Variants in ATE1 observed in about 807,000 individuals in gnomAD.
The protein encoded by ATE1 is arginyltransferase 1.
ATE1 carries 36 observed loss-of-function variants against 70.5 expected under a neutral mutation model. The ratio of observed to expected loss-of-function variants is 0.51; its 90% CI spans 0.39 to 0.67. The LOEUF (loss-of-function observed/expected upper bound fraction) is 0.67. Among genes scored for constraint, ATE1 ranks in the 30% least tolerant of loss-of-function variants. The pLI is 0.00. For missense variants in ATE1, 593 were observed against 629.5 expected, an observed-to-expected ratio of 0.94 and a Z score of 0.62; for synonymous variants, 232 against 219.3, an observed-to-expected ratio of 1.06 and a Z score of -0.51.
At chr10:121,849,153 G>A (rs1590484600) in intron 8 of ATE1, among the ~76,000 whole-genome samples, 1 of 150,654 alleles carries the variant, frequency 6.6e-6, no homozygotes, top group East Asian at 1.9e-4. Context: ...GGAGATTACA[G>A]TGAGCCACGA....
chr10:121,791,791 A>C (rs1435377164), intron 10 of ATE1, among the ~76,000 whole-genome samples: 1 of 152,212 alleles, frequency 6.6e-6, no homozygotes, highest in Non-Finnish European at 1.5e-5. Context: ...CATTTTTCAA[A>C]AAATGCTGCT....
intron 5 of ATE1, among the ~76,000 whole-genome samples, chr10:121,904,984 C>A (rs893336127): frequency 2.6e-5 from 4 of 152,222 alleles, no homozygotes; most frequent in Non-Finnish European, 5.9e-5. Flanking sequence ...TATTACTCTA[C>A]TGACCAACAG....
At chr10:121,819,740 A>G (rs1209050819) in intron 10 of ATE1, among the ~76,000 whole-genome samples, 8 of 148,772 alleles carry the variant, frequency 5.4e-5, no homozygotes, top group African/African-American at 1.5e-4. Context: ...TGCTTGGGTG[A>G]TGGGTACACC....
At chr10:121,912,355 A>T (rs1034410173) in intron 4 of ATE1, among the ~76,000 whole-genome samples, 2 of 152,048 alleles carry the variant, frequency 1.3e-5, no homozygotes, top group Non-Finnish European at 2.9e-5. Flanking sequence ...TAAACACTAC[A>T]AAAGAAAGAG....
chr10:121,919,095 G>C (rs1198352736), intron 3 of ATE1, among the ~76,000 whole-genome samples: 2 of 151,996 alleles, frequency 1.3e-5, no homozygotes, highest in African/African-American at 4.8e-5. Flanking sequence ...AATAAAAGCT[G>C]GCCACCCTAC....
chr10:121,784,349 C>A (rs1338746743), intron 11 of ATE1, among the ~76,000 whole-genome samples: 2 of 152,170 alleles, frequency 1.3e-5, no homozygotes, highest in Non-Finnish European at 2.9e-5. Context: ...TTAGTTTTCA[C>A]ATTTTCAAGA....
chr10:121,922,147 A>G (rs1951906611), intron 3 of ATE1, among the ~76,000 whole-genome samples: 1 of 152,222 alleles, frequency 6.6e-6, no homozygotes, highest in South Asian at 2.1e-4. Context: ...TATCTGAACC[A>G]ATCAAACAAT....
At chr10:121,791,078 G>A (rs754943113) in intron 10 of ATE1, among the ~76,000 whole-genome samples, 871 of 9,714 alleles carry the variant, frequency 0.09, 7 homozygotes, top group Admixed American at 0.19. Flanking sequence ...GTGTGTGTGT[G>A]TGTGTGTGTG....
Position 121,743,632 on chromosome 10 carries a change from C to T in ATE1, c.*48G>A. The T allele has an allele frequency of 3.3e-6, 5 of 1,518,276 alleles. No homozygotes were observed. The highest frequency in any genetic ancestry group is 4.4e-6 in the Non-Finnish European group (5 of 1,136,364). The allele number at this position is 1,518,276 out of a possible 1,614,324, so 94.1% of individuals were successfully genotyped here. On this transcript the variant is annotated 3_prime_UTR_variant, in exon 12 of 12. Transcript: ENST00000224652. The stretch of plus-strand genomic sequence containing the variant: ...CACAGGTACTGAATATGTATCCTGG[C>T]ACAAATCATCAGCACAACACAGGAA...
At chr10:121,911,183 G>T in intron 4 of ATE1, 32 bp from the exon 5 acceptor site, 2 of 1,596,076 alleles carry the variant, frequency 1.3e-6, no homozygotes, top group South Asian at 2.3e-5. Flanking sequence ...AAATCCATCA[G>T]CTGGGTTATT....
intron 11 of ATE1, among the ~76,000 whole-genome samples, chr10:121,786,584 G>T (rs144558218): frequency 6.6e-6 from 1 of 151,592 alleles, no homozygotes; most frequent in Non-Finnish European, 1.5e-5. Flanking sequence ...CGGGAGGATC[G>T]TTTGAGCCCT....
chr10:121,782,318 AT>A (rs1196299613), intron 11 of ATE1, among the ~76,000 whole-genome samples: 1 of 152,244 alleles, frequency 6.6e-6, no homozygotes, highest in East Asian at 1.9e-4. Context: ...TAAACAAAAA[AT>A]ATTTACAGAT....
intron 11 of ATE1, 90 bp from the exon 12 acceptor site, chr10:121,743,948 AG>A: frequency 7.7e-7 from 1 of 1,301,394 alleles, no homozygotes; most frequent in South Asian, 1.5e-5. Flanking sequence ...TTGAGACAAG[AG>A]TCTTGCTCTG....
At chr10:121,925,582 G>C (rs1462596438) in intron 1 of ATE1, among the ~76,000 whole-genome samples, 1 of 151,958 alleles carries the variant, frequency 6.6e-6, no homozygotes, top group Non-Finnish European at 1.5e-5. Context: ...AGGCATATCA[G>C]AACTAAAGGC....
intron 10 of ATE1, among the ~76,000 whole-genome samples, chr10:121,807,528 A>G (rs1947145132): frequency 6.6e-6 from 1 of 152,224 alleles, no homozygotes; most frequent in Admixed American, 6.5e-5. Flanking sequence ...AACTGTACTT[A>G]TATTATAGCT....
At chr10:121,820,526 T>C (rs892136011) in intron 10 of ATE1, among the ~76,000 whole-genome samples, 3 of 152,168 alleles carry the variant, frequency 2.0e-5, no homozygotes, top group African/African-American at 7.2e-5. Flanking sequence ...CACAAACATA[T>C]AATCCTGTTT....
intron 10 of ATE1, among the ~76,000 whole-genome samples, chr10:121,792,432 T>G (rs1248372843): frequency 6.6e-6 from 1 of 152,210 alleles, no homozygotes; most frequent in African/African-American, 2.4e-5. Flanking sequence ...AAGTCAGGTC[T>G]CTGACTCAGC....
At chr10:121,836,936 C>A in intron 9 of ATE1, 119 bp from the exon 10 acceptor site, 1 of 636,102 alleles carries the variant, frequency 1.6e-6, no homozygotes, top group Admixed American at 3.5e-5. Flanking sequence ...CAAAAAATTA[C>A]AAATATTGAA....
chr10:121,897,129 A>C (rs1284040353), intron 7 of ATE1, among the ~76,000 whole-genome samples: 1 of 152,156 alleles, frequency 6.6e-6, no homozygotes, highest in Non-Finnish European at 1.5e-5. Flanking sequence ...CTAATTCTAA[A>C]GGCACTGGAA....
Sources: gnomAD v4.1 joint callset for allele counts (sites outside exome capture counted in the v4.1 genomes callset) on GRCh38, gnomAD v4.1.1 for gene constraint, MANE v1.5 for transcripts, NCBI Gene and HGNC (gene_info 2026-07-23, HGNC 2026-07-21) for gene names.